XIRP2: variants seen among roughly 807,000 people sequenced by gnomAD.
XIRP2 encodes xin actin-binding repeat-containing protein 2.
In XIRP2, 236 loss-of-function variants were observed where a neutral mutation model predicts 277.0. That is an observed-to-expected ratio of 0.85 (90% CI 0.77 to 0.95). XIRP2 has a LOEUF of 0.95. Among genes scored for constraint, XIRP2 ranks in the 40% least tolerant of loss-of-function variants. The pLI, the probability that XIRP2 is intolerant of heterozygous loss-of-function variation, is 0.00. For missense variants in XIRP2, 4,640 were observed against 4,157.5 expected (o/e 1.12, Z -3.19); for synonymous variants, 1,490 against 1,416.5 (o/e 1.05, Z -1.17).
chr2:167,170,884 T>A (rs1692667458), intron 3 of XIRP2, among the ~76,000 whole-genome samples: 1 of 150,518 alleles, frequency 6.6e-6, no homozygotes, highest in Non-Finnish European at 1.5e-5. Flanking sequence ...CTTCTCTTTT[T>A]GCCTTTCTTC....
intron 2 of XIRP2, among the ~76,000 whole-genome samples, chr2:167,101,542 C>G (rs1382261668): frequency 8.5e-5 from 13 of 152,278 alleles, no homozygotes; most frequent in Admixed American, 8.5e-4. Flanking sequence ...CATAGCTTAG[C>G]TCCCAGTTAT....
At chr2:167,042,234 C>A (rs1410012806) in intron 2 of XIRP2, among the ~76,000 whole-genome samples, 2 of 152,146 alleles carry the variant, frequency 1.3e-5, no homozygotes, top group East Asian at 1.9e-4. Context: ...ACCACAAAAA[C>A]ACACTTAAGT....
Position 167,244,372 on chromosome 2 carries a change from C to G in XIRP2, c.2980C>G (p.Pro994Ala). 1 of 1,613,428 alleles carries G rather than the reference C, an allele frequency of 6.2e-7. No individual in the cohort carries two copies. Among genetic ancestry groups the G allele is most frequent in the African/African-American group, 1.3e-5 (1 of 74,990 alleles). The stretch of plus-strand genomic sequence containing the variant: ...AACACCACTGTATGCCATTCAAGAT[C>G]CCCTTGGAAAATATCATCAAGTAAA... ...ETTPLYAIQD[P>A]LGKYHQVKTV... The change falls in exon 9 of 11, where the codon CCC becomes GCC. Residue 994 changes from proline to alanine, a missense_variant. By Grantham distance (27) the Pro-to-Ala change is conservative (BLOSUM62 -1). Transcript: ENST00000409195.
Position 167,246,292 on chromosome 2 carries a change from A to C in XIRP2, c.4900A>C (p.Asn1634His), listed in dbSNP as rs1695260101. The C allele has an allele frequency of 1.2e-6, 2 of 1,613,360 alleles. No individual in the cohort carries two copies. Among genetic ancestry groups the C allele is most frequent in the Non-Finnish European group, 1.7e-6 (2 of 1,179,632 alleles). ...TAGTGAAGAAGAGAAGGGAAATGTT[A>C]ATTTGACTAAAACTCAATTATTAAA... ...LISEEEKGNV[N>H]LTKTQLLNRS... Residue 1634 changes from asparagine to histidine, a missense_variant, in exon 9 of 11, where the codon AAT becomes CAT. Coordinates refer to ENST00000409195, the MANE Select transcript of XIRP2 (RefSeq NM_152381.6).
intron 2 of XIRP2, among the ~76,000 whole-genome samples, chr2:166,971,423 T>C (rs1686575815): frequency 1.3e-5 from 2 of 152,034 alleles, no homozygotes; most frequent in Non-Finnish European, 1.5e-5. Context: ...CTATGTGATA[T>C]TAACTTGGGG....
At chr2:167,195,006 C>T (rs1227208946) in intron 3 of XIRP2, among the ~76,000 whole-genome samples, 1 of 151,926 alleles carries the variant, frequency 6.6e-6, no homozygotes, top group Non-Finnish European at 1.5e-5. Flanking sequence ...TAATATGTGA[C>T]CCTATATGCT....
rs568563296 is a variant in XIRP2 at position 167,169,345 on chromosome 2, G to A, written c.562+33283G>A. Among the ~76,000 whole-genome samples, 4 of 152,300 alleles carry A rather than the reference G, an allele frequency of 2.6e-5. No homozygotes were observed. The East Asian group carries it at 5.8e-4, about 22-fold the overall frequency. ...AATGTAGGGGCTCTCCTATGACTGCGTGGCCCTGGGATTTTTAAGTCTCAG... is the reference window on the plus strand; with the variant it reads ...AATGTAGGGGCTCTCCTATGACTGCATGGCCCTGGGATTTTTAAGTCTCAG... On this transcript the variant is annotated intron_variant, in intron 3 of 10. Transcript: ENST00000409195.
In XIRP2 at chr2:167,257,846, CT is replaced by C; in HGVS notation, c.*40-6del. The C allele has an allele frequency of 6.3e-7, 1 of 1,577,262 alleles. No individual in the cohort carries two copies. Among genetic ancestry groups the C allele is most frequent in the Non-Finnish European group, 8.6e-7 (1 of 1,165,974 alleles). On this transcript the variant is annotated splice_polypyrimidine_tract_variant and intron_variant, in intron 10 of 10. Transcript: ENST00000409195. ...ATACGAACTGCTAAGTGTTCTTTTT[CT>C]TTTTGGCAGTTTGGGAAATTATGCA...
chr2:167,233,878 TC>T (rs2105421034), intron 5 of XIRP2, among the ~76,000 whole-genome samples: 1 of 151,708 alleles, frequency 6.6e-6, no homozygotes, highest in East Asian at 1.9e-4. Context: ...TTAATATACA[TC>T]TACGTAAAAC....
intron 2 of XIRP2, among the ~76,000 whole-genome samples, chr2:167,133,801 G>A (rs1202293431): frequency 6.6e-6 from 1 of 152,166 alleles, no homozygotes; most frequent in East Asian, 1.9e-4. Context: ...CCAGGACAGT[G>A]GAGAGGACAC....
rs16852832 is a variant in XIRP2, at chr2:166,996,062, G to A, written c.408+92172G>A. Among the ~76,000 whole-genome samples the A allele has an allele frequency of 1.0e-3, 156 of 152,200 alleles. 2 individuals are homozygous for A. In the East Asian group the frequency reaches 0.028, roughly 28 times the overall value. On this transcript the variant is annotated intron_variant, in intron 2 of 10. Coordinates refer to ENST00000409195, the MANE Select transcript of XIRP2 (RefSeq NM_152381.6). The stretch of plus-strand genomic sequence containing the variant: ...AGGTACCAATCACTGTTTTATAAAC[G>A]ACTACTTAATGTCTCAGGATCCCAC...
chr2:167,201,490 T>C (rs1693720457), intron 3 of XIRP2, among the ~76,000 whole-genome samples: 1 of 152,146 alleles, frequency 6.6e-6, no homozygotes. Flanking sequence ...GTAGATCACT[T>C]GAAAATGAGA....
rs73021997 is a variant in XIRP2 at position 167,170,124 on chromosome 2, C to T, written c.562+34062C>T. 4.3e-3 allele frequency among the ~76,000 whole-genome samples: 650 copies of T among 152,076 alleles called. 5 individuals are homozygous for T. The highest frequency in any genetic ancestry group is 0.015 in the African/African-American group (624 of 41,462). On this transcript the variant is annotated intron_variant, in intron 3 of 10. Coordinates refer to ENST00000409195, the MANE Select transcript of XIRP2 (RefSeq NM_152381.6). ...AGTGAGTATTGAATGCTGCCAAGTA[C>T]GTTTCTTCAGTTATTGCAATGATAA...
At position 167,249,787 on chromosome 2, in the gene XIRP2, A is replaced by G; in HGVS notation, c.8395A>G (p.Met2799Val). The change falls in exon 9 of 11, where the codon ATG becomes GTG. Residue 2799 changes from methionine to valine, a missense_variant. By Grantham distance (21) the Met-to-Val change is conservative. Coordinates refer to ENST00000409195, the MANE Select transcript of XIRP2 (RefSeq NM_152381.6). ...IQKNQEDKLK[M>V]VPRKQREFSG... Reference sequence around the variant, plus strand: ...GAAGAACCAGGAAGATAAGCTCAAGATGGTTCCCAGGAAGCAAAGAGAATT... The same window carrying G: ...GAAGAACCAGGAAGATAAGCTCAAGGTGGTTCCCAGGAAGCAAAGAGAATT... 6.2e-7 allele frequency: 1 copy of G among 1,613,462 alleles called. No individual in the cohort carries two copies. Among genetic ancestry groups the G allele is most frequent in the Non-Finnish European group, 8.5e-7 (1 of 1,179,752 alleles).
chr2:167,032,445 A>C (rs1334024601), intron 2 of XIRP2, among the ~76,000 whole-genome samples: 1 of 151,222 alleles, frequency 6.6e-6, no homozygotes, highest in Non-Finnish European at 1.5e-5. Context: ...CAAAATTGAC[A>C]TATTGGATGT....
At chr2:167,088,783 C>T (rs920959552) in intron 2 of XIRP2, among the ~76,000 whole-genome samples, 8 of 152,132 alleles carry the variant, frequency 5.3e-5, no homozygotes, top group African/African-American at 1.4e-4. Flanking sequence ...TATACTTTAT[C>T]CCAGATAACT....
At chr2:167,022,051 A>C (rs1687998069) in intron 2 of XIRP2, among the ~76,000 whole-genome samples, 1 of 152,148 alleles carries the variant, frequency 6.6e-6, no homozygotes, top group Admixed American at 6.6e-5. Flanking sequence ...GTAATATATT[A>C]ATGATGGCTA....
intron 2 of XIRP2, among the ~76,000 whole-genome samples, chr2:167,005,030 T>C (rs982273671): frequency 1.3e-5 from 2 of 151,872 alleles, no homozygotes; most frequent in Non-Finnish European, 2.9e-5. Flanking sequence ...CAGGCCACTA[T>C]TGGCAAGAAA....
intron 5 of XIRP2, among the ~76,000 whole-genome samples, chr2:167,230,684 T>C (rs564852876): frequency 6.6e-6 from 1 of 152,226 alleles, no homozygotes; most frequent in South Asian, 2.1e-4. Context: ...ACTGGTTAAA[T>C]TCATTTGAAA....
Sources: gnomAD v4.1 joint callset for allele counts (sites outside exome capture counted in the v4.1 genomes callset) on GRCh38, gnomAD v4.1.1 for gene constraint, MANE v1.5 for transcripts, NCBI Gene and HGNC (gene_info 2026-07-23, HGNC 2026-07-21) for gene names.